Variants in SRBD1 observed in about 807,000 individuals in gnomAD.
The protein encoded by SRBD1 is S1 RNA-binding domain-containing protein 1.
In SRBD1, 88 loss-of-function variants were observed where a neutral mutation model predicts 115.3. The ratio of observed to expected loss-of-function variants is 0.76; its 90% CI spans 0.64 to 0.91. The LOEUF is 0.91. SRBD1 is among the 40% of genes least tolerant of loss of function. The pLI is 0.00. For synonymous variants in SRBD1, 509 were observed against 407.7 expected (o/e 1.25, Z -2.99); for missense variants, 1,385 against 1,177.4 (o/e 1.18, Z -2.58).
At chr2:45,534,632 G>C (rs1443225652) in intron 14 of SRBD1, among the ~76,000 whole-genome samples, 5 of 152,022 alleles carry the variant, frequency 3.3e-5, no homozygotes, top group Admixed American at 1.3e-4. Context: ...ACTGCATATA[G>C]AGGAGACAGG....
intron 16 of SRBD1, among the ~76,000 whole-genome samples, chr2:45,432,204 T>C (rs1291213676): frequency 6.6e-6 from 1 of 152,040 alleles, no homozygotes; most frequent in Non-Finnish European, 1.5e-5. Flanking sequence ...TAATGTTGTA[T>C]TTTTAGTACA....
chr2:45,551,335 C>G, intron 11 of SRBD1, 53 bp from the exon 12 acceptor site: 4 of 1,525,986 alleles, frequency 2.6e-6, no homozygotes, highest in Non-Finnish European at 3.5e-6. Context: ...ATTTTCTTTC[C>G]AGAAAAGGAG....
In SRBD1 at chr2:45,393,064, T is replaced by C. The variant is rs1218229120; in HGVS notation, c.2579A>G (p.Asn860Ser). 1 of 1,614,054 alleles carries C rather than the reference T, an allele frequency of 6.2e-7. No homozygotes were observed. The highest frequency in any genetic ancestry group is 2.2e-5 in the East Asian group (1 of 44,870). The stretch of plus-strand genomic sequence containing the variant: ...CATTCCTTCCTTTTCAAGGAATGAA[T>C]TTATTTTTTGTTGCATTTCAGGCTT... Reference protein sequence around the residue: ...VGKPEMQQKINSFLEKEGMEK... With the variant: ...VGKPEMQQKISSFLEKEGMEK... The change falls in exon 20 of 21, where the codon AAT (asparagine) becomes AGT (serine). Residue 860 changes from asparagine (N) to serine (S), a missense_variant. Asn to Ser is a conservative substitution (Grantham distance 46). Transcript: ENST00000263736.
At chr2:45,432,459 T>G (rs1458830956) in intron 16 of SRBD1, among the ~76,000 whole-genome samples, 2 of 152,220 alleles carry the variant, frequency 1.3e-5, no homozygotes, top group African/African-American at 4.8e-5. Flanking sequence ...TAAGAACATT[T>G]CTAAGCAACT....
chr2:45,480,718 C>A (rs1415351327), intron 15 of SRBD1, among the ~76,000 whole-genome samples: 1 of 152,138 alleles, frequency 6.6e-6, no homozygotes, highest in African/African-American at 2.4e-5. Flanking sequence ...AAAGCAGCAG[C>A]AGCAGGAATG....
At chr2:45,445,084 G>C (rs1007146873) in intron 16 of SRBD1, among the ~76,000 whole-genome samples, 1 of 152,188 alleles carries the variant, frequency 6.6e-6, no homozygotes, top group Non-Finnish European at 1.5e-5. Context: ...AGTAGAAAAA[G>C]CATCTAAAGT....
rs534037976 is a variant in SRBD1, at chr2:45,568,079, T to G, written c.1305+5128A>C. On this transcript the variant is annotated intron_variant, in intron 9 of 20. Coordinates refer to ENST00000263736, the MANE Select transcript of SRBD1 (RefSeq NM_018079.5). ...GCAGATGGTGACATTGAACAGGAAA[T>G]AGGTAGTTAAGACACAGGAAATTGC... The G allele has an allele frequency of 2.0e-5, 3 of 152,062 alleles. No individual in the cohort carries two copies. The South Asian group carries it at 6.2e-4, about 32-fold the overall frequency. 9.4% of individuals were successfully genotyped at this position (152,062 alleles called of 1,614,324 possible). A position where few individuals can be genotyped will look rare whatever the true frequency, so the allele number is the denominator to read the frequency against.
At chr2:45,559,711 A>G (rs1443378561) in intron 10 of SRBD1, among the ~76,000 whole-genome samples, 2 of 152,220 alleles carry the variant, frequency 1.3e-5, no homozygotes, top group East Asian at 3.8e-4. Flanking sequence ...AGGAAAAAAA[A>G]AAGTTCTTTT....
At chr2:45,461,442 G>A (rs1669313813) in intron 16 of SRBD1, among the ~76,000 whole-genome samples, 1 of 152,072 alleles carries the variant, frequency 6.6e-6, no homozygotes, top group Non-Finnish European at 1.5e-5. Flanking sequence ...GATGATGCTG[G>A]ATATGGCTCC....
chr2:45,413,246 G>T lies in SRBD1; in HGVS notation c.2381C>A (p.Ser794Tyr), dbSNP rs1043711296. Residue 794 changes from serine to tyrosine, a missense_variant, in exon 19 of 21, where the codon TCT (serine) becomes TAT (tyrosine). Coordinates refer to ENST00000263736, the MANE Select transcript of SRBD1 (RefSeq NM_018079.5). ...SGQIQGVAVT[S>Y]SADVEVTNEK... is the part of the protein sequence containing the mutation. ...ATTTGTGACCTCAACGTCTGCTGAA[G>T]ATGTCACAGCAACTCCTTGAATTTG... 1.2e-6 allele frequency: 2 copies of T among 1,614,060 alleles called. No homozygotes were observed. Among genetic ancestry groups the T allele is most frequent in the Non-Finnish European group, 1.7e-6 (2 of 1,179,986 alleles).
chr2:45,391,906 T>C (rs1017050213), intron 20 of SRBD1, among the ~76,000 whole-genome samples: 3 of 152,168 alleles, frequency 2.0e-5, no homozygotes, highest in Non-Finnish European at 4.4e-5. Context: ...GGTGCAGCCA[T>C]ACCACCTCCA....
At chr2:45,409,591 T>C (rs948787484) in intron 19 of SRBD1, among the ~76,000 whole-genome samples, 3 of 151,310 alleles carry the variant, frequency 2.0e-5, no homozygotes, top group Non-Finnish European at 4.4e-5. Flanking sequence ...AAGTTTAATA[T>C]AGTTACTGAT....
chr2:45,514,324 G>T (rs536902544), intron 14 of SRBD1, among the ~76,000 whole-genome samples: 2 of 152,078 alleles, frequency 1.3e-5, no homozygotes, highest in South Asian at 2.1e-4. Flanking sequence ...AATAAGTAGG[G>T]GCCATTTGTT....
chr2:45,577,660 GA>G (rs3835993), intron 7 of SRBD1, among the ~76,000 whole-genome samples: 31,491 of 148,106 alleles, frequency 0.21, 5,702 homozygotes, highest in African/African-American at 0.5. Context: ...TTCTACTGGG[GA>G]AAAAAAAAAC....
intron 4 of SRBD1, among the ~76,000 whole-genome samples, chr2:45,591,780 G>A (rs2104220691): frequency 6.6e-6 from 1 of 152,270 alleles, no homozygotes; most frequent in Middle Eastern, 3.4e-3. Context: ...TTGGCAGCCA[G>A]CCCCAGGAAG....
intron 10 of SRBD1, among the ~76,000 whole-genome samples, chr2:45,561,583 C>T (rs1025122944): frequency 6.6e-6 from 1 of 152,186 alleles, no homozygotes; most frequent in Non-Finnish European, 1.5e-5. Context: ...TGAACTTTAT[C>T]AAAATTTACA....
Position 45,392,873 on chromosome 2 carries a change from G to A in SRBD1, c.2698+72C>T, listed in dbSNP as rs981863938. 7.4e-6 allele frequency: 10 copies of A among 1,359,276 alleles called. No individual in the cohort carries two copies. The African/African-American group carries it at 1.2e-4, about 16-fold the overall frequency. 84.2% of individuals were successfully genotyped at this position (1,359,276 alleles called of 1,614,324 possible). On this transcript the variant is annotated intron_variant, in intron 20 of 20. Transcript: ENST00000263736. ...TCCATTCTGCTTATGGCATAGGATT[G>A]CTGTGAGGATCAAAGGAGATAATGG...
chr2:45,597,865 T>C (rs979446260), intron 4 of SRBD1, among the ~76,000 whole-genome samples: 3 of 152,202 alleles, frequency 2.0e-5, no homozygotes, highest in African/African-American at 7.2e-5. Context: ...AGCAGAGTCA[T>C]AGAATAAGTA....
At chr2:45,407,430 C>T (rs978136435) in intron 19 of SRBD1, among the ~76,000 whole-genome samples, 6 of 152,140 alleles carry the variant, frequency 3.9e-5, no homozygotes, top group Admixed American at 1.3e-4. Flanking sequence ...TGGGAACAAC[C>T]TTTGTGCTTC....
Sources: allele counts gnomAD v4.1 joint callset (sites outside exome capture counted in the v4.1 genomes callset), GRCh38; gene constraint gnomAD v4.1.1; transcripts MANE v1.5; gene names NCBI Gene and HGNC (gene_info 2026-07-23, HGNC 2026-07-21).